Variants in L3MBTL4 observed in about 807,000 individuals in gnomAD.
L3MBTL4 encodes lethal(3)malignant brain tumor-like protein 4.
A neutral mutation model predicts 84.5 loss-of-function variants in L3MBTL4; 70 were observed. That is an observed-to-expected ratio of 0.83 (90% CI 0.68 to 1.01). The LOEUF (loss-of-function observed/expected upper bound fraction) is 1.01. Among genes scored for constraint, L3MBTL4 ranks in the 50% least tolerant of loss-of-function variants. L3MBTL4 has a pLI of 0.00. For synonymous variants in L3MBTL4, 274 were observed against 259.8 expected, an observed-to-expected ratio of 1.05 and a Z score of -0.52; for missense variants, 715 against 754.8, an observed-to-expected ratio of 0.95 and a Z score of 0.62.
intron 1 of L3MBTL4, among the ~76,000 whole-genome samples, chr18:6,339,835 T>A: frequency 6.6e-6 from 1 of 152,088 alleles, no homozygotes. Flanking sequence ...AAAATTAAAT[T>A]ATAGAATAAA....
Position 6,185,998 on chromosome 18 carries a change from TTTTA to T in L3MBTL4, c.982-14060_982-14057del. Among the ~76,000 whole-genome samples the T allele has an allele frequency of 1.1e-4, 17 of 149,512 alleles. 1 individual carries two copies. Among genetic ancestry groups the T allele is most frequent in the African/African-American group, 4.3e-4 (17 of 39,898 alleles). The stretch of plus-strand genomic sequence containing the variant: ...TATTTTATTTTATTTTATTTTATTA[TTTTA>T]TATTTTATTTTATTTTATTTTATTT... On this transcript the variant is annotated intron_variant, in intron 12 of 18. Coordinates refer to ENST00000317931, the MANE Select transcript of L3MBTL4 (RefSeq NM_001330559.2).
chr18:6,050,987 C>T (rs2056819280), intron 16 of L3MBTL4, among the ~76,000 whole-genome samples: 2 of 152,058 alleles, frequency 1.3e-5, no homozygotes, highest in South Asian at 2.1e-4. Context: ...TGGCAGCTGC[C>T]GCCAGGTCAG....
chr18:6,290,016 G>T (rs2049779935), intron 4 of L3MBTL4, among the ~76,000 whole-genome samples: 1 of 152,140 alleles, frequency 6.6e-6, no homozygotes, highest in South Asian at 2.1e-4. Context: ...AACCTCTTGA[G>T]CTCAAGGAAT....
At chr18:6,213,394 G>T (rs2046196554) in intron 11 of L3MBTL4, 135 bp from the exon 12 acceptor site, 1 of 572,056 alleles carries the variant, frequency 1.7e-6, no homozygotes, top group Admixed American at 3.6e-5. Flanking sequence ...AGTGTTTTTT[G>T]TTTTGCTTTT....
chr18:6,280,644 T>C (rs1054220196), intron 4 of L3MBTL4, among the ~76,000 whole-genome samples: 2 of 152,206 alleles, frequency 1.3e-5, no homozygotes, highest in South Asian at 4.1e-4. Flanking sequence ...TTATCTGACA[T>C]GGCAAAATAA....
chr18:6,011,628 T>C (rs1384525644), intron 16 of L3MBTL4, among the ~76,000 whole-genome samples: 1 of 152,222 alleles, frequency 6.6e-6, no homozygotes, highest in East Asian at 1.9e-4. Flanking sequence ...CCAGCATTTA[T>C]TTACCCTTGT....
At chr18:6,107,709 G>A (rs2059057265) in intron 14 of L3MBTL4, among the ~76,000 whole-genome samples, 1 of 151,932 alleles carries the variant, frequency 6.6e-6, no homozygotes. Flanking sequence ...TATAATTCTG[G>A]ATTCATTCTG....
intron 16 of L3MBTL4, among the ~76,000 whole-genome samples, chr18:6,004,996 A>ATTT (rs1567973105): frequency 2.4e-5 from 1 of 41,998 alleles, no homozygotes; most frequent in African/African-American, 5.6e-5. Context: ...TTAAGATGAT[A>ATTT]ATTTTTTTTT....
intron 14 of L3MBTL4, among the ~76,000 whole-genome samples, chr18:6,097,664 GC>G (rs1250333871): frequency 1.3e-5 from 2 of 152,150 alleles, no homozygotes; most frequent in Non-Finnish European, 2.9e-5. Context: ...CTGAAGCAGT[GC>G]CCCGGTCTGA....
chr18:6,378,632 T>C (rs2054469771), intron 1 of L3MBTL4, among the ~76,000 whole-genome samples: 1 of 152,186 alleles, frequency 6.6e-6, no homozygotes, highest in Non-Finnish European at 1.5e-5. Flanking sequence ...TGGTTGTAGA[T>C]GTGTGGTGTT....
In L3MBTL4 at chr18:5,992,278, G is replaced by C. The variant is rs2053737759; in HGVS notation, c.1445-22716C>G. Among the ~76,000 whole-genome samples the C allele has an allele frequency of 2.0e-5, 3 of 152,170 alleles. No homozygotes were observed. In the South Asian group the frequency reaches 6.2e-4, roughly 32 times the overall value. ...GAAGCCTGTTAGGCAGACGGGGCTT[G>C]AGGTCTTTCAGGCAGAGGTACACAT... On this transcript the variant is annotated intron_variant, in intron 16 of 18. Transcript: ENST00000317931.
At chr18:6,114,505 G>A (rs960866309) in intron 14 of L3MBTL4, among the ~76,000 whole-genome samples, 1 of 152,062 alleles carries the variant, frequency 6.6e-6, no homozygotes, top group East Asian at 1.9e-4. Flanking sequence ...CAAGCTCCTT[G>A]ATAGTATGTA....
At chr18:6,072,880 AAATATATATATATATATATATATATATAT>A (rs2057722608) in intron 16 of L3MBTL4, among the ~76,000 whole-genome samples, 1 of 43,244 alleles carries the variant, frequency 2.3e-5, no homozygotes, top group Non-Finnish European at 4.6e-5. Context: ...AAAAAAAAAA[AAATATATATATATATATATATATATATAT>A]ATATATATAT....
intron 13 of L3MBTL4, among the ~76,000 whole-genome samples, chr18:6,167,953 A>G (rs1461151879): frequency 6.6e-6 from 1 of 152,226 alleles, no homozygotes; most frequent in African/African-American, 2.4e-5. Context: ...AAATCTCCTT[A>G]AGCTGATAAG....
chr18:6,253,809 C>T (rs2048025718), intron 5 of L3MBTL4, among the ~76,000 whole-genome samples: 1 of 152,180 alleles, frequency 6.6e-6, no homozygotes, highest in South Asian at 2.1e-4. Context: ...GGTTATGAAG[C>T]TCCTTCCTTG....
At chr18:6,184,086 C>G (rs1209690006) in intron 12 of L3MBTL4, among the ~76,000 whole-genome samples, 1 of 152,092 alleles carries the variant, frequency 6.6e-6, no homozygotes, top group African/African-American at 2.4e-5. Context: ...TATACACACA[C>G]AGAGATGTAC....
intron 4 of L3MBTL4, among the ~76,000 whole-genome samples, chr18:6,283,805 A>T (rs1391152358): frequency 6.6e-6 from 1 of 152,244 alleles, no homozygotes; most frequent in African/African-American, 2.4e-5. Context: ...AAGCCACAAC[A>T]TGCCAATTAA....
intron 4 of L3MBTL4, among the ~76,000 whole-genome samples, chr18:6,283,100 C>T (rs190489977): frequency 1.3e-5 from 2 of 152,136 alleles, no homozygotes; most frequent in African/African-American, 4.8e-5. Context: ...CCCTTTCATC[C>T]CAAAATAATT....
At chr18:5,973,681 C>T (rs1203506329) in intron 16 of L3MBTL4, among the ~76,000 whole-genome samples, 2 of 152,184 alleles carry the variant, frequency 1.3e-5, no homozygotes, top group Non-Finnish European at 2.9e-5. Context: ...TCAGATTCTT[C>T]TATCTTGGGC....
Sources: gnomAD v4.1 joint callset for allele counts (sites outside exome capture counted in the v4.1 genomes callset) on GRCh38, gnomAD v4.1.1 for gene constraint, MANE v1.5 for transcripts, NCBI Gene and HGNC (gene_info 2026-07-23, HGNC 2026-07-21) for gene names.